The following NXPE1 variants were observed in gnomAD, a reference collection of about 807,000 sequenced individuals.
The protein encoded by NXPE1 is NXPE family member 1.
NXPE1 carries 31 observed loss-of-function variants against 33.3 expected under a neutral mutation model. The observed-to-expected ratio is 0.93, with a 90% confidence interval of 0.70 to 1.26. The LOEUF is 1.26. Among genes scored for constraint, NXPE1 ranks in the 50% most tolerant of loss-of-function variants. NXPE1 has a pLI of 0.00. For missense variants in NXPE1, 661 were observed against 655.6 expected (o/e 1.01, Z -0.09); for synonymous variants, 229 against 231.4 (o/e 0.99, Z 0.09).
intron 5 of NXPE1, among the ~76,000 whole-genome samples, chr11:114,545,471 C>T (rs1268821704): frequency 1.3e-5 from 2 of 152,168 alleles, no homozygotes; most frequent in African/African-American, 4.8e-5. Flanking sequence ...TCTGAAAAGG[C>T]TATGCACTGT....
chr11:114,524,325 A>G (rs1367111035), intron 7 of NXPE1, among the ~76,000 whole-genome samples: 3 of 152,214 alleles, frequency 2.0e-5, no homozygotes, highest in Non-Finnish European at 2.9e-5. Flanking sequence ...GGGAACCATC[A>G]GCAGTTTCTG....
At position 114,546,322 on chromosome 11, in the gene NXPE1, A is replaced by AGT. The variant is rs563603085; in HGVS notation, c.99+4779_99+4780dup. Among the ~76,000 whole-genome samples, 3 of 152,332 alleles carry AGT rather than the reference A, an allele frequency of 2.0e-5. No homozygotes were observed. In the South Asian group the frequency reaches 6.2e-4, roughly 32 times the overall value. The stretch of plus-strand genomic sequence containing the variant: ...ATGATTGATGTGGTAGGTGAAGGCT[A>AGT]GTGTGTGAACCATGTAGTGATAGAT... On this transcript the variant is annotated intron_variant, in intron 5 of 8. Transcript: ENST00000534921.
chr11:114,557,656 TATATATATATATATATAA>T (rs1490362767), intron 1 of NXPE1, among the ~76,000 whole-genome samples: 5 of 92,328 alleles, frequency 5.4e-5, no homozygotes, highest in East Asian at 1.1e-3. Flanking sequence ...TATATATATA[TATATATATATATATATAA>T]AATCCTTGTT....
chr11:114,536,128 T>G (rs1947812005), intron 5 of NXPE1, among the ~76,000 whole-genome samples: 1 of 152,080 alleles, frequency 6.6e-6, no homozygotes, highest in African/African-American at 2.4e-5. Flanking sequence ...ATTAAGAAAC[T>G]CACTCAAAAC....
At chr11:114,548,963 T>C (rs927575813) in intron 5 of NXPE1, among the ~76,000 whole-genome samples, 4 of 151,916 alleles carry the variant, frequency 2.6e-5, no homozygotes, top group African/African-American at 9.7e-5. Context: ...TTAGACATCT[T>C]TGAGGGAAAA....
chr11:114,542,228 T>C (rs1948123505), intron 5 of NXPE1, among the ~76,000 whole-genome samples: 1 of 152,130 alleles, frequency 6.6e-6, no homozygotes, highest in Non-Finnish European at 1.5e-5. Flanking sequence ...ATTTGTAGAG[T>C]AAAATGTTTA....
At chr11:114,530,968 T>G (rs1179076016) in intron 5 of NXPE1, 60 bp from the exon 6 acceptor site, 1 of 1,457,512 alleles carries the variant, frequency 6.9e-7, no homozygotes, top group East Asian at 2.3e-5. Context: ...TTTTTACTTA[T>G]TATGAGTTTG....
intron 7 of NXPE1, among the ~76,000 whole-genome samples, chr11:114,524,584 A>G (rs1947311815): frequency 6.6e-6 from 1 of 152,140 alleles, no homozygotes; most frequent in Non-Finnish European, 1.5e-5. Context: ...ATGGGTTTCT[A>G]TGAGGCTTGA....
chr11:114,520,256 C>T (rs1400861996), downstream of NXPE1, among the ~76,000 whole-genome samples: 1 of 152,184 alleles, frequency 6.6e-6, no homozygotes, highest in Non-Finnish European at 1.5e-5. Flanking sequence ...CCTACACCTC[C>T]CTGTTTTCTC....
In NXPE1 at chr11:114,529,855, G is replaced by A. The variant is rs143748954; in HGVS notation, c.833+320C>T. ...GGATCAACGCAAAGATATTTAAGGG[G>A]CAAAATTAACAAAATATGATATGGG... On this transcript the variant is annotated intron_variant, in intron 6 of 8. Coordinates refer to ENST00000534921, the Ensembl canonical transcript of NXPE1. 3.4e-3 allele frequency: 913 copies of A among 266,400 alleles called. 11 individuals carry two copies. Among genetic ancestry groups the A allele is most frequent in the African/African-American group, 0.018 (817 of 45,306 alleles). 16.5% of individuals were successfully genotyped at this position (266,400 alleles called of 1,614,324 possible).
intron 1 of NXPE1, chr11:114,554,145 G>C (rs1373381971): frequency 1.0e-6 from 1 of 985,396 alleles, no homozygotes; most frequent in Non-Finnish European, 1.2e-6. Flanking sequence ...AGACAGGATT[G>C]AATCAATGTA....
chr11:114,554,370 T>C, intron 1 of NXPE1: 1 of 985,236 alleles, frequency 1.0e-6, no homozygotes, highest in Non-Finnish European at 1.2e-6. Flanking sequence ...GGCAGCAGCC[T>C]AGCTTAGACC....
chr11:114,548,867 A>T (rs2135096289), intron 5 of NXPE1, among the ~76,000 whole-genome samples: 1 of 152,034 alleles, frequency 6.6e-6, no homozygotes, highest in African/African-American at 2.4e-5. Flanking sequence ...CCTGGGTTTT[A>T]TTTTGAAAGA....
intron 5 of NXPE1, among the ~76,000 whole-genome samples, chr11:114,543,586 T>C (rs1435178426): frequency 6.6e-6 from 1 of 151,636 alleles, no homozygotes; most frequent in African/African-American, 2.4e-5. Flanking sequence ...ATAAGAGACA[T>C]ACTTATGGCA....
At chr11:114,559,812 T>G (rs1488855304) in exon 1 of NXPE1, 2 of 152,326 alleles carry the variant, frequency 1.3e-5, no homozygotes, top group Non-Finnish European at 2.9e-5. Context: ...TTTAATGATC[T>G]CTCCTATCTG....
At chr11:114,524,694 C>T (rs1947315756) in intron 7 of NXPE1, among the ~76,000 whole-genome samples, 1 of 152,160 alleles carries the variant, frequency 6.6e-6, no homozygotes, top group East Asian at 1.9e-4. Context: ...GCACACTTTG[C>T]TGAGAACATA....
intron 5 of NXPE1, among the ~76,000 whole-genome samples, chr11:114,542,084 C>G (rs1403829337): frequency 6.6e-6 from 1 of 152,076 alleles, no homozygotes; most frequent in Non-Finnish European, 1.5e-5. Flanking sequence ...AGATTTTTTG[C>G]TAGGGTCATT....
At chr11:114,524,032 C>G (rs1307014115) in intron 7 of NXPE1, among the ~76,000 whole-genome samples, 2 of 152,190 alleles carry the variant, frequency 1.3e-5, no homozygotes, top group Non-Finnish European at 2.9e-5. Flanking sequence ...GACTCTTGTT[C>G]CTTCTATGTT....
intron 7 of NXPE1, 45 bp from the exon 8 acceptor site, chr11:114,523,136 G>A: frequency 7.3e-7 from 1 of 1,378,974 alleles, no homozygotes; most frequent in Non-Finnish European, 1.0e-6. Flanking sequence ...GCAAAACTTA[G>A]ACATCTAGCC....
Sources: gnomAD v4.1 joint callset for allele counts (sites outside exome capture counted in the v4.1 genomes callset) on GRCh38, gnomAD v4.1.1 for gene constraint, MANE v1.5 for transcripts, NCBI Gene and HGNC (gene_info 2026-07-23, HGNC 2026-07-21) for gene names.